Variants in TBC1D5 observed in about 807,000 individuals in gnomAD.
TBC1D5 encodes the protein TBC1 domain family, member 5.
Under a neutral mutation model 100.3 loss-of-function variants are expected in TBC1D5, and 75 were observed. That is an observed-to-expected ratio of 0.75 (90% CI 0.62 to 0.91). The LOEUF (loss-of-function observed/expected upper bound fraction) is 0.91. TBC1D5 is among the 40% of genes least tolerant of loss of function. TBC1D5 has a pLI of 0.00. For synonymous variants in TBC1D5, 323 were observed against 325.6 expected (o/e 0.99, Z 0.09); for missense variants, 910 against 942.4 (o/e 0.97, Z 0.45).
At chr3:17,468,446 C>T (rs1335585350) in intron 3 of TBC1D5, among the ~76,000 whole-genome samples, 1 of 152,124 alleles carries the variant, frequency 6.6e-6, no homozygotes, top group East Asian at 1.9e-4. Flanking sequence ...ACTTATAATA[C>T]ACTATCAATC....
chr3:17,676,145 T>C (rs1017280506), intron 1 of TBC1D5, among the ~76,000 whole-genome samples: 5 of 152,150 alleles, frequency 3.3e-5, no homozygotes, highest in African/African-American at 1.2e-4. Context: ...TAAATCTCCA[T>C]TAAGTTTTTA....
chr3:17,256,115 T>C (rs758338136), intron 16 of TBC1D5, among the ~76,000 whole-genome samples: 11 of 152,194 alleles, frequency 7.2e-5, no homozygotes, highest in Non-Finnish European at 1.3e-4. Context: ...ATTGGTCAGA[T>C]AGGCACTTGC....
intron 15 of TBC1D5, among the ~76,000 whole-genome samples, chr3:17,279,172 T>C (rs188704876): frequency 7.0e-4 from 107 of 152,334 alleles, no homozygotes; most frequent in African/African-American, 2.3e-3. Flanking sequence ...AAGCACACAT[T>C]TTTTTACAAA....
chr3:17,436,992 G>A (rs902757777), intron 3 of TBC1D5, among the ~76,000 whole-genome samples: 1 of 152,170 alleles, frequency 6.6e-6, no homozygotes, highest in African/African-American at 2.4e-5. Context: ...AATACACAAT[G>A]CAACAGTGTT....
At chr3:17,415,493 A>G (rs1454208586) in intron 4 of TBC1D5, among the ~76,000 whole-genome samples, 1 of 152,088 alleles carries the variant, frequency 6.6e-6, no homozygotes, top group Non-Finnish European at 1.5e-5. Flanking sequence ...CACAGGCATT[A>G]TTTTCTTAAA....
At chr3:17,218,608 C>T (rs114724739) in intron 17 of TBC1D5, among the ~76,000 whole-genome samples, 1 of 151,882 alleles carries the variant, frequency 6.6e-6, no homozygotes, top group Non-Finnish European at 1.5e-5. Context: ...GTATTGAATA[C>T]TCTCAGTTTC....
At chr3:17,593,216 A>G (rs1029578777) in intron 2 of TBC1D5, among the ~76,000 whole-genome samples, 2 of 152,164 alleles carry the variant, frequency 1.3e-5, no homozygotes, top group Non-Finnish European at 2.9e-5. Flanking sequence ...TCAGCAGAGG[A>G]GGATTTTAAT....
chr3:17,558,879 AT>A (rs1308906376), intron 2 of TBC1D5, among the ~76,000 whole-genome samples: 2 of 152,088 alleles, frequency 1.3e-5, no homozygotes, highest in Non-Finnish European at 2.9e-5. Context: ...ACATAAAACC[AT>A]TCTTGGTTTG....
intron 1 of TBC1D5, among the ~76,000 whole-genome samples, chr3:17,705,048 G>C (rs2073862147): frequency 7.2e-6 from 1 of 138,426 alleles, no homozygotes; most frequent in Non-Finnish European, 1.6e-5. Context: ...GCCAGGCGGG[G>C]GGCTGACCCC....
intron 2 of TBC1D5, among the ~76,000 whole-genome samples, chr3:17,570,667 TTATTA>T (rs1229524434): frequency 2.0e-5 from 3 of 151,988 alleles, no homozygotes; most frequent in African/African-American, 7.2e-5. Context: ...TTTCAGTATT[TTATTA>T]TATTTTCAAA....
intron 1 of TBC1D5, among the ~76,000 whole-genome samples, chr3:17,636,029 C>A (rs911917097): frequency 2.0e-5 from 3 of 151,982 alleles, no homozygotes; most frequent in African/African-American, 4.8e-5. Context: ...CCCACCTCTA[C>A]TAAAAATACA....
intron 1 of TBC1D5, among the ~76,000 whole-genome samples, chr3:17,726,499 T>C (rs553583143): frequency 6.6e-6 from 1 of 152,338 alleles, no homozygotes; most frequent in Non-Finnish European, 1.5e-5. Context: ...TATGGCTGCA[T>C]ATGTATGTCT....
At chr3:17,295,504 T>C (rs1182086444) in intron 14 of TBC1D5, among the ~76,000 whole-genome samples, 1 of 152,218 alleles carries the variant, frequency 6.6e-6, no homozygotes, top group Non-Finnish European at 1.5e-5. Flanking sequence ...TCTGAAGAGA[T>C]GGTTTACTTT....
At position 17,528,236 on chromosome 3, in the gene TBC1D5, A is replaced by G. The variant is rs551805736; in HGVS notation, c.-35-19631T>C. 7.2e-5 allele frequency among the ~76,000 whole-genome samples: 11 copies of G among 152,280 alleles called. No individual in the cohort carries two copies. The South Asian group carries it at 2.3e-3, about 32-fold the overall frequency. ...CACCGTACCCAGCCCCCAGTGCAGC[A>G]GTATTAAGAGGTAGGGCCTTCAGGA... On this transcript the variant is annotated intron_variant, in intron 2 of 21. Coordinates refer to ENST00000253692, the Ensembl canonical transcript of TBC1D5.
intron 19 of TBC1D5, among the ~76,000 whole-genome samples, chr3:17,174,616 CAG>C (rs1476542472): frequency 1.3e-5 from 2 of 152,022 alleles, no homozygotes; most frequent in Non-Finnish European, 2.9e-5. Flanking sequence ...GTTTTTGAGA[CAG>C]AGTCTTGCTC....
At chr3:17,702,017 T>A (rs538980407) in intron 1 of TBC1D5, among the ~76,000 whole-genome samples, 1 of 152,274 alleles carries the variant, frequency 6.6e-6, no homozygotes, top group South Asian at 2.1e-4. Context: ...TGTGTTTAGT[T>A]TATTAAATTA....
intron 1 of TBC1D5, among the ~76,000 whole-genome samples, chr3:17,646,340 C>A (rs2065011172): frequency 6.6e-6 from 1 of 152,062 alleles, no homozygotes; most frequent in African/African-American, 2.4e-5. Flanking sequence ...CAATAAATTT[C>A]TTTTGTTTTT....
At chr3:17,644,332 T>C (rs1368978368) in intron 1 of TBC1D5, among the ~76,000 whole-genome samples, 1 of 152,132 alleles carries the variant, frequency 6.6e-6, no homozygotes, top group Non-Finnish European at 1.5e-5. Flanking sequence ...GTAAGAGAAG[T>C]CCTACTTCAT....
intron 2 of TBC1D5, among the ~76,000 whole-genome samples, chr3:17,532,719 A>T (rs1046946009): frequency 3.3e-5 from 5 of 152,130 alleles, no homozygotes; most frequent in African/African-American, 4.8e-5. Context: ...CATCATTCTC[A>T]GCAAACTATC....
Sources: allele counts gnomAD v4.1 joint callset (sites outside exome capture counted in the v4.1 genomes callset), GRCh38; gene constraint gnomAD v4.1.1; transcripts MANE v1.5; gene names NCBI Gene and HGNC (gene_info 2026-07-23, HGNC 2026-07-21).